Variants in NBAS observed in about 807,000 individuals in gnomAD.
NBAS encodes the protein NAG/BC035112 fusion.
Under a neutral mutation model 302.5 loss-of-function variants are expected in NBAS, and 219 were observed. The observed-to-expected ratio is 0.72, with a 90% CI of 0.65 to 0.81. The LOEUF is 0.81. Ranked by LOEUF, NBAS falls within the 30% of genes least tolerant of loss-of-function variation. The pLI, the probability that NBAS is intolerant of heterozygous loss-of-function variation, is 0.00. For missense variants in NBAS, 2,932 were observed against 2,841.6 expected (o/e 1.03, Z -0.72); for synonymous variants, 1,118 against 1,021.6 (o/e 1.09, Z -1.80).
chr2:15,089,396 G>A, the NBAS span, among the ~76,000 whole-genome samples: 1 of 152,094 alleles, frequency 6.6e-6, no homozygotes. Context: ...TGAGAATTGG[G>A]AGAGACTTGG....
intron 44 of NBAS, among the ~76,000 whole-genome samples, chr2:15,261,295 C>G (rs940881926): frequency 6.6e-6 from 1 of 152,102 alleles, no homozygotes. Flanking sequence ...TAGTATAGCA[C>G]GTTAAGTGCT....
chr2:14,867,614 T>G, the NBAS span, among the ~76,000 whole-genome samples: 1 of 152,210 alleles, frequency 6.6e-6, no homozygotes. Flanking sequence ...AGTGGATGAA[T>G]GTAAGGAACG....
At chr2:15,162,098 A>C (rs923804957), downstream of NBAS, among the ~76,000 whole-genome samples, 2 of 152,304 alleles carry the variant, frequency 1.3e-5, no homozygotes, top group African/African-American at 4.8e-5. Context: ...ATACAGAGAA[A>C]GCCAAATAAA....
the NBAS span, among the ~76,000 whole-genome samples, chr2:14,895,245 T>C: frequency 1.3e-5 from 2 of 152,152 alleles, no homozygotes; most frequent in Non-Finnish European, 2.9e-5. Context: ...GTGTAATAAG[T>C]CTTATTATTC....
intron 21 of NBAS, among the ~76,000 whole-genome samples, chr2:15,439,305 T>TAA (rs74898089): frequency 1.2e-4 from 9 of 74,414 alleles, no homozygotes; most frequent in South Asian, 4.4e-4. Context: ...CGGTCTCAAA[T>TAA]AAAAAAAAAA....
At chr2:15,318,443 C>A (rs1671621682) in intron 38 of NBAS, among the ~76,000 whole-genome samples, 1 of 152,148 alleles carries the variant, frequency 6.6e-6, no homozygotes, top group Non-Finnish European at 1.5e-5. Flanking sequence ...TTAAAAGACA[C>A]AGACTGGCAA....
the NBAS span, among the ~76,000 whole-genome samples, chr2:15,160,668 C>G: frequency 6.6e-6 from 1 of 152,028 alleles, no homozygotes; most frequent in Non-Finnish European, 1.5e-5. Context: ...GCCTGCACCC[C>G]ACAAGGGAAT....
chr2:15,112,706 CA>C, the NBAS span, among the ~76,000 whole-genome samples: 2 of 150,546 alleles, frequency 1.3e-5, no homozygotes, highest in Non-Finnish European at 3.0e-5. Flanking sequence ...TACTGAATTC[CA>C]AAAGTAAGTG....
chr2:15,015,996 G>T, the NBAS span, among the ~76,000 whole-genome samples: 5 of 151,688 alleles, frequency 3.3e-5, no homozygotes, highest in Non-Finnish European at 4.4e-5. Context: ...TGAACCAACC[G>T]GAAAAGAAAT....
chr2:15,144,604 T>C, the NBAS span, among the ~76,000 whole-genome samples: 8 of 152,142 alleles, frequency 5.3e-5, no homozygotes, highest in Non-Finnish European at 1.0e-4. Flanking sequence ...AGTGGCCACA[T>C]TGCTGGCCAC....
the NBAS span, among the ~76,000 whole-genome samples, chr2:15,081,003 C>G: frequency 6.6e-6 from 1 of 152,074 alleles, no homozygotes. Context: ...GCTTTTCAAC[C>G]TCTAGATAAA....
the NBAS span, chr2:14,890,396 C>A: frequency 1.3e-5 from 2 of 152,140 alleles, no homozygotes; most frequent in African/African-American, 4.8e-5. Context: ...ATAATGCTAG[C>A]ATATGGCATA....
At chr2:15,059,806 A>T in the NBAS span, among the ~76,000 whole-genome samples, 1 of 152,152 alleles carries the variant, frequency 6.6e-6, no homozygotes, top group East Asian at 1.9e-4. Flanking sequence ...CCTGAATTAT[A>T]ATGAAAGAGG....
downstream of NBAS, among the ~76,000 whole-genome samples, chr2:15,162,253 G>A (rs1042958894): frequency 2.6e-5 from 4 of 152,160 alleles, no homozygotes; most frequent in Non-Finnish European, 5.9e-5. Flanking sequence ...GCCTAAGATT[G>A]ACCCATGGCC....
At chr2:15,300,013 C>T (rs1245536420) in intron 40 of NBAS, among the ~76,000 whole-genome samples, 2 of 152,136 alleles carry the variant, frequency 1.3e-5, no homozygotes, top group African/African-American at 2.4e-5. Context: ...ACCATCAATG[C>T]ATAAAATTAA....
intron 9 of NBAS, among the ~76,000 whole-genome samples, chr2:15,526,811 TC>T (rs1662932339): frequency 6.6e-6 from 1 of 152,010 alleles, no homozygotes; most frequent in African/African-American, 2.4e-5. Context: ...AGACTGCCCC[TC>T]AAAAATACCC....
In NBAS at chr2:15,478,297, T is replaced by A. The variant is rs1425444546; in HGVS notation, c.1084-8A>T. 3 of 1,601,156 alleles carry A rather than the reference T, an allele frequency of 1.9e-6. No homozygotes were observed. The highest frequency in any genetic ancestry group is 2.2e-5 in the South Asian group (2 of 90,784). On this transcript the variant is annotated splice_polypyrimidine_tract_variant and splice_region_variant and intron_variant, in intron 12 of 51. Coordinates refer to ENST00000281513, the MANE Select transcript of NBAS (RefSeq NM_015909.4). ...AAGGTCATCATAGCCTGGCTAAATA[T>A]GAAAATAATGACTTCCTGAGTGAAC...
At chr2:15,111,371 GAGAACAAAGCAGGGAC>G in the NBAS span, among the ~76,000 whole-genome samples, 1 of 152,270 alleles carries the variant, frequency 6.6e-6, no homozygotes, top group African/African-American at 2.4e-5. Flanking sequence ...GGGAGTGGGT[GAGAACAAAGCAGGGAC>G]AGTTCAAGAT....
intron 33 of NBAS, among the ~76,000 whole-genome samples, chr2:15,354,652 G>T (rs1425908757): frequency 6.6e-6 from 1 of 152,162 alleles, no homozygotes; most frequent in Non-Finnish European, 1.5e-5. Context: ...AATCATTTTT[G>T]AAGAGTTTTA....
Sources: allele counts gnomAD v4.1 joint callset (sites outside exome capture counted in the v4.1 genomes callset), GRCh38; gene constraint gnomAD v4.1.1; transcripts MANE v1.5; gene names NCBI Gene and HGNC (gene_info 2026-07-23, HGNC 2026-07-21).